The following MYH13 variants were observed in gnomAD, a reference collection of about 807,000 sequenced individuals.
The protein encoded by MYH13 is myosin-13.
In MYH13, 177 loss-of-function variants were observed where a neutral mutation model predicts 232.1. The observed-to-expected ratio is 0.76, with a 90% CI of 0.67 to 0.86. MYH13 has a LOEUF of 0.86. Ranked by LOEUF, MYH13 falls within the 40% of genes least tolerant of loss-of-function variation. The probability of loss-of-function intolerance (pLI) is 0.00; values close to 1 mark genes in which losing one functional copy is unlikely to be tolerated. For synonymous variants in MYH13, 884 were observed against 923.5 expected (o/e 0.96, Z 0.78); for missense variants, 2,246 against 2,405.9 (o/e 0.93, Z 1.39).
At chr17:10,323,772 AAAAAAAAAAAAAAAAAAGAAG>A in intron 23 of MYH13, among the ~76,000 whole-genome samples, 1 of 93,548 alleles carries the variant, frequency 1.1e-5, no homozygotes, top group African/African-American at 4.1e-5. Flanking sequence ...CACAAAAAAA[AAAAAAAAAAAAAAAAAAGAAG>A]AAGAAGAAGA....
chr17:10,337,611 C>T (rs892660841), intron 18 of MYH13, among the ~76,000 whole-genome samples: 1 of 152,164 alleles, frequency 6.6e-6, no homozygotes, highest in Non-Finnish European at 1.5e-5. Context: ...AGAGGGCACA[C>T]TAGCTGCTTT....
At chr17:10,356,259 T>A (rs1392717707) in intron 8 of MYH13, among the ~76,000 whole-genome samples, 1 of 152,214 alleles carries the variant, frequency 6.6e-6, no homozygotes, top group Non-Finnish European at 1.5e-5. Context: ...ATGTGCACTG[T>A]AAGTGCTGTG....
intron 17 of MYH13, 38 bp downstream of exon 17, chr17:10,340,289 AG>A: frequency 6.2e-7 from 1 of 1,613,370 alleles, no homozygotes; most frequent in Non-Finnish European, 8.5e-7. Context: ...TTCACTGGGG[AG>A]AAAAACAAGT....
intron 23 of MYH13, among the ~76,000 whole-genome samples, chr17:10,322,337 G>C (rs893304635): frequency 6.6e-6 from 1 of 152,182 alleles, no homozygotes; most frequent in African/African-American, 2.4e-5. Context: ...GGCAGAGGTT[G>C]CAGTGAGCTG....
At chr17:10,324,619 A>AT (rs947083500) in intron 22 of MYH13, among the ~76,000 whole-genome samples, 1 of 150,570 alleles carries the variant, frequency 6.6e-6, no homozygotes, top group Non-Finnish European at 1.5e-5. Context: ...TAATCTTTGT[A>AT]TTTTTTTGTA....
intron 19 of MYH13, 91 bp downstream of exon 19, chr17:10,332,983 G>T: frequency 2.9e-6 from 3 of 1,021,046 alleles, no homozygotes; most frequent in Non-Finnish European, 4.4e-6. Flanking sequence ...GGACTTGGGA[G>T]CTCACCAAAT....
intron 12 of MYH13, among the ~76,000 whole-genome samples, chr17:10,348,151 T>G (rs1407619277): frequency 6.6e-6 from 1 of 152,222 alleles, no homozygotes; most frequent in Non-Finnish European, 1.5e-5. Flanking sequence ...TTATCTCCTT[T>G]TCTTGCTTTG....
At position 10,301,495 on chromosome 17, in the gene MYH13, A is replaced by T. The variant is rs532875957; in HGVS notation, c.5802+74T>A. ...CTTATCTGGCCTCCCACACTCAGGC[A>T]TTCGCTCTTACCTGGCCCCCATATT... On this transcript the variant is annotated intron_variant, in intron 40 of 40. Coordinates refer to ENST00000252172, the MANE Select transcript of MYH13 (RefSeq NM_003802.3). 2.1e-5 allele frequency: 34 copies of T among 1,590,156 alleles called. No homozygotes were observed. The African/African-American group carries it at 4.3e-4, about 20-fold the overall frequency.
chr17:10,318,758 A>G (rs750885745), intron 27 of MYH13, 32 bp downstream of exon 27: 4 of 1,611,324 alleles, frequency 2.5e-6, no homozygotes, highest in Non-Finnish European at 3.4e-6. Flanking sequence ...GCTGCCTTGC[A>G]TTCTCCAAGA....
chr17:10,301,544 C>T (rs758856094), intron 40 of MYH13, 25 bp downstream of exon 40: 3 of 1,613,782 alleles, frequency 1.9e-6, no homozygotes, highest in Admixed American at 1.7e-5. Flanking sequence ...TAGCTGGCCC[C>T]TATATCTCAG....
Position 10,364,562 on chromosome 17 carries a change from T to G in MYH13, c.-12-20A>C, listed in dbSNP as rs1197357720. The G allele has an allele frequency of 6.4e-7, 1 of 1,554,072 alleles. No individual in the cohort carries two copies. Among genetic ancestry groups the G allele is most frequent in the East Asian group, 2.4e-5 (1 of 42,032 alleles). Reference sequence around the variant, plus strand: ...AGAGGGCTGGGAAGACCAGAGGGACTGCTGAGTCTTGTGCTTGGGTGACTG... The same window carrying G: ...AGAGGGCTGGGAAGACCAGAGGGACGGCTGAGTCTTGTGCTTGGGTGACTG... On this transcript the variant is annotated intron_variant, in intron 2 of 40. Coordinates refer to ENST00000252172, the MANE Select transcript of MYH13 (RefSeq NM_003802.3).
Position 10,359,974 on chromosome 17 carries a change from G to T in MYH13, c.631C>A (p.Pro211Thr). ...GGGCTGCTCACCTGCATTTTGCCTG[G>T]CTGTGTCTCCTTCTTCTTGTCCCCG... ...VTGDKKKETQ[P>T]GKMQGTLEDQ... Residue 211 changes from proline to threonine, a missense_variant, in exon 7 of 41, where the codon CCA becomes ACA. Physicochemically the swap from Pro to Thr is conservative, Grantham distance 38. Coordinates refer to ENST00000252172, the MANE Select transcript of MYH13 (RefSeq NM_003802.3). 1.2e-6 allele frequency: 2 copies of T among 1,613,592 alleles called. No homozygotes were observed. The highest frequency in any genetic ancestry group is 1.7e-4 in the Middle Eastern group (1 of 5,718).
rs764086165 is a variant in MYH13 at position 10,345,266 on chromosome 17, C to T, written c.1520G>A (p.Gly507Asp). The change falls in exon 15 of 41, where the codon GGC becomes GAC. Residue 507 changes from glycine to aspartate, a missense_variant. Physicochemically the swap from Gly to Asp is moderately conservative, Grantham distance 94. Coordinates refer to ENST00000252172, the MANE Select transcript of MYH13 (RefSeq NM_003802.3). ...GAAGTCAATGAACTCCCACTCGATG[C>T]CTTCCTTCTTGTACTCTTCCTGCTC... ...VLEQEEYKKE[G>D]IEWEFIDFGM... is the part of the protein sequence containing the mutation. 6.2e-7 allele frequency: 1 copy of T among 1,614,144 alleles called. No homozygotes were observed. The highest frequency in any genetic ancestry group is 8.5e-7 in the Non-Finnish European group (1 of 1,180,006).
At chr17:10,331,520 G>T (rs895485144) in intron 20 of MYH13, among the ~76,000 whole-genome samples, 2 of 152,166 alleles carry the variant, frequency 1.3e-5, no homozygotes, top group Non-Finnish European at 2.9e-5. Context: ...TGAAGTACGT[G>T]CAGGAGGCTT....
rs35222064 is a variant in MYH13, at chr17:10,350,591, T to G, written c.1109A>C (p.Gln370Pro). The G allele has an allele frequency of 3.1e-6, 5 of 1,613,672 alleles. No individual in the cohort carries two copies. The highest frequency in any genetic ancestry group is 4.2e-6 in the Non-Finnish European group (5 of 1,179,986). The change falls in exon 12 of 41, where the codon CAG (glutamine) becomes CCG (proline). Residue 370 changes from glutamine to proline, a missense_variant. Gln to Pro is a moderately conservative substitution (Grantham distance 76). Coordinates refer to ENST00000252172, the MANE Select transcript of MYH13 (RefSeq NM_003802.3). ...GTCTGGCTCCGCCTGCTCCTCACGC[T>G]GCTTCTGCTTGAACTTCATGTTCCC... ...HYGNMKFKQK[Q>P]REEQAEPDGT... is the part of the protein sequence containing the mutation.
intron 35 of MYH13, 43 bp from the exon 36 acceptor site, chr17:10,307,107 G>T (rs1190471506): frequency 1.3e-6 from 2 of 1,595,736 alleles, no homozygotes; most frequent in Admixed American, 1.8e-5. Context: ...TTCTATTGGG[G>T]CGCTTAAAAA....
intron 22 of MYH13, 125 bp from the exon 23 acceptor site, chr17:10,324,389 C>T (rs372797810): frequency 1.9e-5 from 21 of 1,121,180 alleles, no homozygotes; most frequent in East Asian, 7.1e-5. Flanking sequence ...CACACACATG[C>T]ACGCACATGT....
intron 39 of MYH13, among the ~76,000 whole-genome samples, chr17:10,302,980 AG>A (rs1906146473): frequency 6.6e-6 from 1 of 151,954 alleles, no homozygotes; most frequent in Non-Finnish European, 1.5e-5. Context: ...GGGCTGGCCA[AG>A]TAGGGTGAGG....
chr17:10,339,539 G>C (rs75281639), intron 18 of MYH13, among the ~76,000 whole-genome samples: 1 of 152,140 alleles, frequency 6.6e-6, no homozygotes, highest in African/African-American at 2.4e-5. Flanking sequence ...TTGATTATGG[G>C]ATACCCAAGA....
Sources: allele counts gnomAD v4.1 joint callset (sites outside exome capture counted in the v4.1 genomes callset), GRCh38; gene constraint gnomAD v4.1.1; transcripts MANE v1.5; gene names NCBI Gene and HGNC (gene_info 2026-07-23, HGNC 2026-07-21).